DOCK4: variants seen among roughly 807,000 people sequenced by gnomAD.
The protein encoded by DOCK4 is dedicator of cytokinesis protein 4.
DOCK4 carries 97 observed loss-of-function variants against 268.1 expected under a neutral mutation model. That is an observed-to-expected ratio of 0.36 (90% confidence interval 0.31 to 0.43). The LOEUF (loss-of-function observed/expected upper bound fraction) is 0.43, where lower values mean the gene tolerates loss of function less well. Ranked by LOEUF, DOCK4 falls within the 20% of genes least tolerant of loss-of-function variation. The probability of loss-of-function intolerance (pLI) is 1.00; values close to 1 mark genes in which losing one functional copy is unlikely to be tolerated. For synonymous variants in DOCK4, 954 were observed against 887.2 expected (o/e 1.08, Z -1.34); for missense variants, 2,145 against 2,455.7 (o/e 0.87, Z 2.67).
chr7:111,871,710 T>C (rs556821557), intron 20 of DOCK4, among the ~76,000 whole-genome samples: 3 of 152,366 alleles, frequency 2.0e-5, no homozygotes, highest in African/African-American at 7.2e-5. Flanking sequence ...CCAGACATTT[T>C]AGACCAAAGA....
At chr7:112,096,719 T>G (rs578252117) in intron 1 of DOCK4, among the ~76,000 whole-genome samples, 70 of 152,304 alleles carry the variant, frequency 4.6e-4, no homozygotes, top group African/African-American at 1.6e-3. Flanking sequence ...CATTCTAGAA[T>G]GAGTGAGATT....
chr7:112,018,179 A>AAAAAAAAAACACAC lies in DOCK4; in HGVS notation c.38-14049_38-14048insGTGTGTTTTTTTTT. Reference sequence around the variant, plus strand: ...AAAAAAAAAAAAAAAAAAAAAAAAAAACACAGGCAACCAGTATTCATGTGG... The same window carrying AAAAAAAAAACACAC: ...AAAAAAAAAAAAAAAAAAAAAAAAAAAAAAAAAAACACACACACAGGCAACCAGTATTCATGTGG... On this transcript the variant is annotated intron_variant, in intron 1 of 52. Coordinates refer to ENST00000428084, the MANE Select transcript of DOCK4 (RefSeq NM_001363540.2). Among the ~76,000 whole-genome samples, 18 of 72,632 alleles carry AAAAAAAAAACACAC rather than the reference A, an allele frequency of 2.5e-4. 1 individual carries two copies. Among genetic ancestry groups the AAAAAAAAAACACAC allele is most frequent in the African/African-American group, 6.5e-4 (12 of 18,514 alleles). The allele number at this position is 72,632 out of a possible 152,430, so 47.6% of individuals were successfully genotyped here.
rs181480961 is a variant in DOCK4 at position 112,106,427 on chromosome 7, G to A, written c.37+99675C>T. On this transcript the variant is annotated intron_variant, in intron 1 of 52. Coordinates refer to ENST00000428084, the MANE Select transcript of DOCK4 (RefSeq NM_001363540.2). Reference sequence around the variant, plus strand: ...ATACACACAGAGGTGGGGTGCTAAGGAGGCTGTAGCTAAACAAGGCATTCT... The same window carrying A: ...ATACACACAGAGGTGGGGTGCTAAGAAGGCTGTAGCTAAACAAGGCATTCT... 2.0e-3 allele frequency among the ~76,000 whole-genome samples: 308 copies of A among 152,304 alleles called. 2 individuals carry two copies. The highest frequency in any genetic ancestry group is 3.4e-3 in the Non-Finnish European group (231 of 68,028).
chr7:111,792,806 G>A lies in DOCK4; in HGVS notation c.3167-2201C>T, dbSNP rs576163619. ...AATTCACTGTTTTTTGTGATTGGAA[G>A]TGCCTTGGGAAACCTCCACTGTCTT... On this transcript the variant is annotated intron_variant, in intron 30 of 52. Coordinates refer to ENST00000428084, the MANE Select transcript of DOCK4 (RefSeq NM_001363540.2). 1.2e-4 allele frequency among the ~76,000 whole-genome samples: 19 copies of A among 152,300 alleles called. No homozygotes were observed. In the South Asian group the frequency reaches 3.7e-3, roughly 30 times the overall value.
intron 1 of DOCK4, among the ~76,000 whole-genome samples, chr7:112,037,991 C>T (rs1243615653): frequency 6.6e-6 from 1 of 152,052 alleles, no homozygotes; most frequent in Non-Finnish European, 1.5e-5. Context: ...TAAAATTAAT[C>T]AGAAGTCAAA....
chr7:112,113,098 C>A lies in DOCK4; in HGVS notation c.37+93004G>T, dbSNP rs182083278. On this transcript the variant is annotated intron_variant, in intron 1 of 52. Coordinates refer to ENST00000428084, the MANE Select transcript of DOCK4 (RefSeq NM_001363540.2). ...CGAGCATGCAAATAAAGAACAACAA[C>A]AAATTAGGTCAGAGGCTATGGTGAA... 2.7e-3 allele frequency among the ~76,000 whole-genome samples: 417 copies of A among 152,242 alleles called. 4 individuals are homozygous for A. Among genetic ancestry groups the A allele is most frequent in the African/African-American group, 9.7e-3 (403 of 41,542 alleles).
intron 16 of DOCK4, among the ~76,000 whole-genome samples, chr7:111,884,330 CGTAAGGAGCTTATGTGATTTGCCCAAT>C (rs778401574): frequency 3.7e-4 from 57 of 152,230 alleles, no homozygotes; most frequent in Non-Finnish European, 6.9e-4. Context: ...GATATTGTAA[CGTAAGGAGCTTATGTGATTTGCCCAAT>C]GTCACAATAT....
At chr7:111,817,024 C>T (rs1050340608) in intron 27 of DOCK4, among the ~76,000 whole-genome samples, 19 of 152,184 alleles carry the variant, frequency 1.2e-4, no homozygotes, top group African/African-American at 4.3e-4. Flanking sequence ...CAGTACTCCA[C>T]TGGGCAGTAC....
intron 23 of DOCK4, among the ~76,000 whole-genome samples, chr7:111,861,572 C>T (rs1444667906): frequency 1.3e-5 from 2 of 151,590 alleles, no homozygotes; most frequent in Non-Finnish European, 2.9e-5. Flanking sequence ...CATGGTGAAA[C>T]CCCATCTCTA....
chr7:111,959,028 CA>C lies in DOCK4; in HGVS notation c.702-13231del, dbSNP rs376854628. On this transcript the variant is annotated intron_variant, in intron 8 of 52. Transcript: ENST00000428084. ...AATCTGATTAACTCTGAAGTGACAA[CA>C]CTCCCACATTTCATGCACCTGCTGG... 2.0e-3 allele frequency among the ~76,000 whole-genome samples: 311 copies of C among 152,262 alleles called. 1 individual carries two copies. Among genetic ancestry groups the C allele is most frequent in the African/African-American group, 7.1e-3 (294 of 41,544 alleles).
At chr7:111,746,166 GGAA>G (rs1796252369) in intron 44 of DOCK4, among the ~76,000 whole-genome samples, 165 bp downstream of exon 44, 1 of 152,116 alleles carries the variant, frequency 6.6e-6, no homozygotes, top group South Asian at 2.1e-4. Flanking sequence ...CATCGGAGTG[GGAA>G]GAAGAAGTAG....
intron 1 of DOCK4, among the ~76,000 whole-genome samples, chr7:112,065,259 C>A (rs1806811563): frequency 6.6e-6 from 1 of 151,990 alleles, no homozygotes. Context: ...TTTTCTCACA[C>A]CAGCATGGCT....
intron 27 of DOCK4, chr7:111,819,584 G>A (rs1308131108): frequency 6.6e-6 from 1 of 152,188 alleles, no homozygotes; most frequent in African/African-American, 2.4e-5. Flanking sequence ...CACAAACTCT[G>A]GCAGAGCTTC....
At chr7:112,011,050 G>A (rs1315737940) in intron 1 of DOCK4, among the ~76,000 whole-genome samples, 1 of 152,162 alleles carries the variant, frequency 6.6e-6, no homozygotes, top group Non-Finnish European at 1.5e-5. Context: ...GCACCCTTCT[G>A]GGATGGCTTC....
At chr7:112,059,951 T>C (rs1806245654) in intron 1 of DOCK4, among the ~76,000 whole-genome samples, 2 of 152,168 alleles carry the variant, frequency 1.3e-5, no homozygotes, top group Non-Finnish European at 2.9e-5. Context: ...GTAGTTTATA[T>C]GAAAAAACCT....
chr7:112,118,633 G>A lies in DOCK4; in HGVS notation c.37+87469C>T, dbSNP rs971814565. ...CCATACTTCAAACTCCCCTTCCTAC[G>A]TTTTTCCCTTCAGTAATATAGACCA... is the stretch of plus-strand genomic sequence containing the variant. On this transcript the variant is annotated intron_variant, in intron 1 of 52. Transcript: ENST00000428084. Among the ~76,000 whole-genome samples the A allele has an allele frequency of 1.2e-4, 18 of 152,016 alleles. 1 individual carries two copies. The highest frequency in any genetic ancestry group is 7.2e-4 in the Admixed American group (11 of 15,256).
rs142369219 is a variant in DOCK4, at chr7:112,043,109, G to C, written c.38-38978C>G. Among the ~76,000 whole-genome samples the C allele has an allele frequency of 2.3e-3, 345 of 152,106 alleles. 2 individuals carry two copies. The highest frequency in any genetic ancestry group is 8.1e-3 in the African/African-American group (335 of 41,492). ...TTCTTTTATAAATTATCCAGTCTCA[G>C]GTATTCTGTTATAGCAACAGACAAT... On this transcript the variant is annotated intron_variant, in intron 1 of 52. Coordinates refer to ENST00000428084, the MANE Select transcript of DOCK4 (RefSeq NM_001363540.2).
intron 1 of DOCK4, among the ~76,000 whole-genome samples, chr7:112,018,003 G>A (rs772449487): frequency 3.3e-5 from 5 of 151,546 alleles, no homozygotes; most frequent in Non-Finnish European, 7.4e-5. Context: ...TGGCTAACAC[G>A]GTGAAACCCC....
chr7:112,052,743 C>A (rs1011683599), intron 1 of DOCK4, among the ~76,000 whole-genome samples: 4 of 152,124 alleles, frequency 2.6e-5, no homozygotes, highest in African/African-American at 9.7e-5. Context: ...CCACTCCCTC[C>A]CACCATCCCC....
Sources: allele counts gnomAD v4.1 joint callset (sites outside exome capture counted in the v4.1 genomes callset), GRCh38; gene constraint gnomAD v4.1.1; transcripts MANE v1.5; gene names NCBI Gene and HGNC (gene_info 2026-07-23, HGNC 2026-07-21).